TBRG1: variants seen among roughly 807,000 people sequenced by gnomAD.
TBRG1 encodes the protein nuclear interactor of ARF and MDM2.
A neutral mutation model predicts 44.0 loss-of-function variants in TBRG1; 31 were observed. That is an observed-to-expected ratio of 0.70 (90% confidence interval 0.53 to 0.95). The LOEUF (loss-of-function observed/expected upper bound fraction) is 0.95. Ranked by LOEUF, TBRG1 falls within the 40% of genes least tolerant of loss-of-function variation. TBRG1 has a pLI of 0.00. For synonymous variants in TBRG1, 171 were observed against 188.1 expected (o/e 0.91, Z 0.74); for missense variants, 487 against 496.1 (o/e 0.98, Z 0.18).
Position 124,626,923 on chromosome 11 carries a change from G to A in TBRG1, c.611G>A (p.Gly204Asp). 1 of 1,606,390 alleles carries A rather than the reference G, an allele frequency of 6.2e-7. No individual in the cohort carries two copies. Among genetic ancestry groups the A allele is most frequent in the South Asian group, 1.1e-5 (1 of 89,076 alleles). Residue 204 changes from glycine (G) to aspartate (D), a missense_variant, in exon 5 of 9, where the codon GGC becomes GAC. Gly to Asp is a moderately conservative substitution (Grantham distance 94). Transcript: ENST00000441174. ...TTATAGATCATCACCGACCGACCTG[G>A]CTTTCATGATGAGAGTGCCATCTAC... ...SLGEIITDRP[G>D]FHDESAIYPV... is the part of the protein sequence containing the mutation.
intron 3 of TBRG1, 94 bp from the exon 4 acceptor site, chr11:124,626,379 T>C (rs1942469498): frequency 3.5e-6 from 4 of 1,143,448 alleles, no homozygotes; most frequent in Non-Finnish European, 4.9e-6. Flanking sequence ...AAACCAGGAT[T>C]GGCTTATTGC....
chr11:124,624,556 AATTTAAGCATATAAGG>A (rs1161222557), intron 1 of TBRG1, among the ~76,000 whole-genome samples: 1 of 152,148 alleles, frequency 6.6e-6, no homozygotes, highest in Non-Finnish European at 1.5e-5. Flanking sequence ...TATAGTATTT[AATTTAAGCATATAAGG>A]ATTTAAGCAG....
rs1942475440 is a variant in TBRG1 at position 124,626,582 on chromosome 11, G to A, written c.564G>A (p.Gly188=). 2.6e-6 allele frequency: 4 copies of A among 1,551,630 alleles called. No individual in the cohort carries two copies. The highest frequency in any genetic ancestry group is 2.4e-5 in the South Asian group (2 of 84,056). ...GGCCTGTGTTCCCCATCGGACTAGG[G>A]GGTCTAACAGTATATAGCCTGGGGG... ...SGRPVFPIGL[G]GLTVYSLGEI... The change falls in exon 4 of 9, where the codon GGG becomes GGA. Residue 188 remains glycine (G), a synonymous_variant. Coordinates refer to ENST00000441174, the MANE Select transcript of TBRG1 (RefSeq NM_032811.3).
intron 5 of TBRG1, among the ~76,000 whole-genome samples, chr11:124,628,052 T>A: frequency 7.9e-6 from 1 of 126,724 alleles, no homozygotes; most frequent in South Asian, 2.7e-4. Context: ...CCAACTAACG[T>A]CAAGTAGCTG....
At chr11:124,627,314 G>A (rs1179547676) in intron 5 of TBRG1, among the ~76,000 whole-genome samples, 3 of 152,180 alleles carry the variant, frequency 2.0e-5, no homozygotes, top group Non-Finnish European at 2.9e-5. Flanking sequence ...TTGTGACTAT[G>A]TGAGGCTTGA....
chr11:124,624,008 G>A (rs554925403), intron 1 of TBRG1, among the ~76,000 whole-genome samples: 1 of 152,294 alleles, frequency 6.6e-6, no homozygotes, highest in East Asian at 1.9e-4. Context: ...ATTTTTGGAA[G>A]CATAAGGAAA....
At chr11:124,623,769 C>A (rs144452919) in intron 1 of TBRG1, among the ~76,000 whole-genome samples, 1 of 151,820 alleles carries the variant, frequency 6.6e-6, no homozygotes, top group Non-Finnish European at 1.5e-5. Context: ...CAGTAATTTC[C>A]CCCCTCTAAC....
At chr11:124,630,969 G>T in intron 7 of TBRG1, 114 bp downstream of exon 7, 2 of 812,686 alleles carry the variant, frequency 2.5e-6, no homozygotes, top group South Asian at 3.2e-5. Flanking sequence ...CCTGCTTCTC[G>T]ACCAGTAGGG....
chr11:124,628,116 T>TACACACACAC (rs368617758), intron 5 of TBRG1, among the ~76,000 whole-genome samples: 6 of 41,960 alleles, frequency 1.4e-4, no homozygotes, highest in African/African-American at 4.5e-4. Context: ...TATATATATA[T>TACACACACAC]ACACACACAC....
rs932330591 is a variant in TBRG1, at chr11:124,632,370, T to C, written c.*132T>C. On this transcript the variant is annotated 3_prime_UTR_variant, in exon 9 of 9. Transcript: ENST00000441174. ...TAACGTATTTCATCATGGAAGGTCC[T>C]GTGGTGATGGTTTTCCCTGGGAAAA... The C allele has an allele frequency of 7.6e-6, 5 of 657,158 alleles. No individual in the cohort carries two copies. The highest frequency in any genetic ancestry group is 5.2e-4 in the Middle Eastern group (2 of 3,812). The allele number at this position is 657,158 out of a possible 1,614,324, so 40.7% of individuals were successfully genotyped here. A position where few individuals can be genotyped will look rare whatever the true frequency, so the allele number is the denominator to read the frequency against.
Position 124,630,505 on chromosome 11 carries a change from G to C in TBRG1, c.836+20G>C. On this transcript the variant is annotated intron_variant, in intron 6 of 8. Transcript: ENST00000441174. ...TACTATGTAAGTTGACCAAAAGCTT[G>C]AAAACAGGCTAAAAGATCACTGTTG... The C allele has an allele frequency of 1.3e-6, 2 of 1,542,676 alleles. No homozygotes were observed. The highest frequency in any genetic ancestry group is 1.8e-6 in the Non-Finnish European group (2 of 1,114,826).
rs1459709596 is a variant in TBRG1 at position 124,633,217 on chromosome 11, G to C, written c.*979G>C. 1 of 152,124 alleles carries C rather than the reference G, an allele frequency of 6.6e-6. No individual in the cohort carries two copies. Among genetic ancestry groups the C allele is most frequent in the Non-Finnish European group, 1.5e-5 (1 of 68,032 alleles). The allele number at this position is 152,124 out of a possible 1,614,324, so 9.4% of individuals were successfully genotyped here. A position where few individuals can be genotyped will look rare whatever the true frequency, so the allele number is the denominator to read the frequency against. Reference sequence around the variant, plus strand: ...TAACACAAATTCACATATAATTGGGGGTTAGTCCCATACTCTATAACAGAC... The same window carrying C: ...TAACACAAATTCACATATAATTGGGCGTTAGTCCCATACTCTATAACAGAC... On this transcript the variant is annotated 3_prime_UTR_variant, in exon 9 of 9. Transcript: ENST00000441174.
chr11:124,631,351 G>A lies in TBRG1; in HGVS notation c.1024G>A (p.Ala342Thr). The A allele has an allele frequency of 6.2e-7, 1 of 1,613,840 alleles. No individual in the cohort carries two copies. ...LPEGLPENDA[A>T]MSFEAFQRQI... ...TGAGGGGCTGCCGGAGAATGATGCA[G>A]CTATGAGCTTTGAAGCCTTTCAGAG... Residue 342 changes from alanine (A) to threonine (T), a missense_variant, in exon 8 of 9, where the codon GCT becomes ACT. Transcript: ENST00000441174.
chr11:124,628,110 T>TACACACAC (rs1942522457), intron 5 of TBRG1, among the ~76,000 whole-genome samples: 1 of 53,154 alleles, frequency 1.9e-5, no homozygotes, highest in African/African-American at 9.8e-5. Flanking sequence ...TATATATATA[T>TACACACAC]ATATATACAC....
At chr11:124,627,200 C>T in intron 5 of TBRG1, 150 bp downstream of exon 5, 1 of 624,770 alleles carries the variant, frequency 1.6e-6, no homozygotes, top group South Asian at 1.9e-5. Context: ...CCCTAAGTCA[C>T]ACCTCTGCTA....
Position 124,633,868 on chromosome 11 carries a change from C to G in TBRG1, c.*1630C>G, listed in dbSNP as rs1942663537. The G allele has an allele frequency of 6.6e-6, 1 of 152,092 alleles. No individual in the cohort carries two copies. Among genetic ancestry groups the G allele is most frequent in the Non-Finnish European group, 1.5e-5 (1 of 68,032 alleles). The allele number at this position is 152,092 out of a possible 1,614,324, so 9.4% of individuals were successfully genotyped here. On this transcript the variant is annotated 3_prime_UTR_variant, in exon 9 of 9. Coordinates refer to ENST00000441174, the MANE Select transcript of TBRG1 (RefSeq NM_032811.3). ...CCCACTATTACAGCCTGAGTAATAC[C>G]CGTATTAAAAGAGCCTCATTTTAGA...
At chr11:124,628,292 G>T (rs1942529651) in intron 5 of TBRG1, among the ~76,000 whole-genome samples, 1 of 150,006 alleles carries the variant, frequency 6.7e-6, no homozygotes, top group Non-Finnish European at 1.5e-5. Context: ...AAATGTAAAA[G>T]AATTTTTTAT....
intron 1 of TBRG1, among the ~76,000 whole-genome samples, chr11:124,624,215 G>A (rs560155372): frequency 8.5e-5 from 13 of 152,058 alleles, no homozygotes; most frequent in African/African-American, 3.1e-4. Flanking sequence ...CAAGGATATT[G>A]GTTCCATCAA....
At position 124,633,771 on chromosome 11, in the gene TBRG1, A is replaced by C. The variant is rs1942661229; in HGVS notation, c.*1533A>C. 6.6e-6 allele frequency: 1 copy of C among 152,262 alleles called. No homozygotes were observed. The highest frequency in any genetic ancestry group is 1.5e-5 in the Non-Finnish European group (1 of 68,052). The allele number at this position is 152,262 out of a possible 1,614,324, so 9.4% of individuals were successfully genotyped here. On this transcript the variant is annotated 3_prime_UTR_variant, in exon 9 of 9. Transcript: ENST00000441174. ...GCAGTGTTTTTCTTTTTTTCTCTGC[A>C]TAAATGGCTTGAGCATACTGGCATT...
Sources: allele counts gnomAD v4.1 joint callset (sites outside exome capture counted in the v4.1 genomes callset), GRCh38; gene constraint gnomAD v4.1.1; transcripts MANE v1.5; gene names NCBI Gene and HGNC (gene_info 2026-07-23, HGNC 2026-07-21).